The following RAB3GAP1 variants were observed in gnomAD, a reference collection of about 807,000 sequenced individuals.
RAB3GAP1 encodes RAB3 GTPase activating protein catalytic subunit 1.
In RAB3GAP1, 86 loss-of-function variants were observed where a neutral mutation model predicts 130.7. The ratio of observed to expected loss-of-function variants is 0.66; its 90% CI spans 0.55 to 0.79. The LOEUF is 0.79. Ranked by LOEUF, RAB3GAP1 falls within the 30% of genes least tolerant of loss-of-function variation. RAB3GAP1 has a pLI of 0.00. For missense variants in RAB3GAP1, 1,029 were observed against 1,169.4 expected (o/e 0.88, Z 1.75); for synonymous variants, 367 against 401.7 (o/e 0.91, Z 1.03).
rs375809703 is a variant in RAB3GAP1, at chr2:135,132,927, A to C, written c.1269A>C (p.Pro423=). ...TCCCTGATGCTGTTTCTGAGAAACC[A>C]TTAGATGGAACTACTTCAACAGATA... ...FLFPDAVSEK[P]LDGTTSTDNN... Residue 423 remains proline, a synonymous_variant, in exon 14 of 24, where the codon CCA becomes CCC. Transcript: ENST00000264158. The C allele has an allele frequency of 3.8e-6, 6 of 1,583,188 alleles. No individual in the cohort carries two copies. The highest frequency in any genetic ancestry group is 5.2e-6 in the Non-Finnish European group (6 of 1,152,368).
chr2:135,131,061 G>A (rs1291020760), intron 13 of RAB3GAP1, among the ~76,000 whole-genome samples: 1 of 152,168 alleles, frequency 6.6e-6, no homozygotes, highest in Non-Finnish European at 1.5e-5. Flanking sequence ...AATAGCAGAG[G>A]TTCGAGAGCA....
chr2:135,159,573 CA>C (rs1265743935), intron 19 of RAB3GAP1, among the ~76,000 whole-genome samples: 1 of 152,192 alleles, frequency 6.6e-6, no homozygotes, highest in Non-Finnish European at 1.5e-5. Flanking sequence ...TGAGAAATGT[CA>C]CAGCCAAGGG....
At chr2:135,074,029 G>A (rs922693848) in intron 3 of RAB3GAP1, among the ~76,000 whole-genome samples, 1 of 152,180 alleles carries the variant, frequency 6.6e-6, no homozygotes, top group African/African-American at 2.4e-5. Flanking sequence ...CCTGGCACTA[G>A]GGCCTTACAC....
rs1691944618 is a variant in RAB3GAP1 at position 135,144,625 on chromosome 2, G to T, written c.1924-5744G>T. 1.3e-5 allele frequency among the ~76,000 whole-genome samples: 2 copies of T among 152,240 alleles called. 1 individual carries two copies. Among genetic ancestry groups the T allele is most frequent in the South Asian group, 4.1e-4 (2 of 4,832 alleles). On this transcript the variant is annotated intron_variant, in intron 17 of 23. Transcript: ENST00000264158. ...TTCAACTATCTTTGTTTGAAGGTCAGATTTCACTGAGGACCTGCCTCTTAC... is the reference window on the plus strand; with the variant it reads ...TTCAACTATCTTTGTTTGAAGGTCATATTTCACTGAGGACCTGCCTCTTAC...
At chr2:135,093,033 A>G (rs796591019) in intron 4 of RAB3GAP1, among the ~76,000 whole-genome samples, 13 of 152,358 alleles carry the variant, frequency 8.5e-5, no homozygotes, top group African/African-American at 3.1e-4. Flanking sequence ...CTGCTAAGCA[A>G]TGATAGCTAT....
chr2:135,141,037 C>CAT (rs1420701836), intron 17 of RAB3GAP1, among the ~76,000 whole-genome samples: 1 of 151,802 alleles, frequency 6.6e-6, no homozygotes. Context: ...TTTCCTGAAG[C>CAT]ATATATATAT....
chr2:135,135,608 GA>G lies in RAB3GAP1; in HGVS notation c.1604del (p.Lys535ArgfsTer27). The G allele has an allele frequency of 6.2e-7, 1 of 1,609,280 alleles. No individual in the cohort carries two copies. Among genetic ancestry groups the G allele is most frequent in the Non-Finnish European group, 8.5e-7 (1 of 1,177,938 alleles). On this transcript the variant is annotated frameshift_variant, in exon 17 of 24. Coordinates refer to ENST00000264158, the MANE Select transcript of RAB3GAP1 (RefSeq NM_012233.3). LOFTEE classifies it high-confidence loss of function. ...IERKKARDEG[K>X]KTSASDVTNI... is the part of the protein sequence containing the mutation. Reference sequence around the variant, plus strand: ...AAAGAAAGAAGGCACGTGATGAGGGGAAAAAGACAAGTGCTTCAGATGTCAC... The same window carrying G: ...AAAGAAAGAAGGCACGTGATGAGGGGAAAAGACAAGTGCTTCAGATGTCAC...
chr2:135,101,501 A>G (rs1690448267), intron 5 of RAB3GAP1, among the ~76,000 whole-genome samples: 1 of 152,210 alleles, frequency 6.6e-6, no homozygotes, highest in African/African-American at 2.4e-5. Flanking sequence ...TTCAAATCAA[A>G]TTCTAGAAAA....
chr2:135,168,792 A>G lies in RAB3GAP1; in HGVS notation c.*11A>G. On this transcript the variant is annotated 3_prime_UTR_variant, in exon 24 of 24. Transcript: ENST00000264158. The stretch of plus-strand genomic sequence containing the variant: ...ACTTCCTTCTTCTGATTCTTCTAGC[A>G]TTACTCGTTGGTGGCTTCAGAGACA... The G allele has an allele frequency of 6.2e-7, 1 of 1,607,338 alleles. No homozygotes were observed. The highest frequency in any genetic ancestry group is 8.5e-7 in the Non-Finnish European group (1 of 1,173,884).
At chr2:135,086,298 C>CT (rs1207209329) in intron 3 of RAB3GAP1, among the ~76,000 whole-genome samples, 1 of 152,068 alleles carries the variant, frequency 6.6e-6, no homozygotes, top group Non-Finnish European at 1.5e-5. Context: ...CTGGCAAATT[C>CT]TTTTCTAAAG....
chr2:135,153,152 AAAG>A (rs1692220993), intron 18 of RAB3GAP1, among the ~76,000 whole-genome samples: 1 of 152,120 alleles, frequency 6.6e-6, no homozygotes, highest in Admixed American at 6.5e-5. Flanking sequence ...TTATTGAGGA[AAAG>A]AAGAACAGAA....
chr2:135,052,464 C>G lies in RAB3GAP1; in HGVS notation c.53C>G (p.Thr18Ser), dbSNP rs572061837. The change falls in exon 2 of 24, where the codon ACC (threonine) becomes AGC (serine). Residue 18 changes from threonine to serine, a missense_variant. Thr to Ser is a moderately conservative substitution (Grantham distance 58). This residue lies in a region of RAB3GAP1 where 510 missense variants were observed against 532.1 expected (regional missense o/e 0.96). Transcript: ENST00000264158. ...GAGGTATTTGAGATCACGGACTTCA[C>G]CACTGCCTCGGAATGGGAAAGGTGA... ...ESEVFEITDF[T>S]TASEWERFIS... 6.2e-7 allele frequency: 1 copy of G among 1,613,990 alleles called. No homozygotes were observed. The highest frequency in any genetic ancestry group is 2.2e-5 in the East Asian group (1 of 44,882).
intron 3 of RAB3GAP1, among the ~76,000 whole-genome samples, chr2:135,065,304 T>G (rs1340412401): frequency 6.6e-6 from 1 of 152,210 alleles, no homozygotes; most frequent in Non-Finnish European, 1.5e-5. Context: ...TGTCTGTCTC[T>G]GAGAACTTTG....
chr2:135,060,514 C>A (rs1689139117), intron 3 of RAB3GAP1, among the ~76,000 whole-genome samples: 1 of 151,840 alleles, frequency 6.6e-6, no homozygotes, highest in Non-Finnish European at 1.5e-5. Flanking sequence ...CCCGCCTCGG[C>A]CTCCCAAAGT....
chr2:135,166,640 A>T (rs1182874966), intron 23 of RAB3GAP1, among the ~76,000 whole-genome samples: 2 of 152,116 alleles, frequency 1.3e-5, no homozygotes, highest in East Asian at 3.8e-4. Flanking sequence ...TGTGTGAGCT[A>T]TCACACCTGG....
chr2:135,163,642 A>G (rs925339951), intron 22 of RAB3GAP1, among the ~76,000 whole-genome samples: 5 of 152,230 alleles, frequency 3.3e-5, no homozygotes, highest in African/African-American at 1.2e-4. Flanking sequence ...ACTCGGCACC[A>G]TTACCAATGG....
At chr2:135,166,870 A>G (rs929305779) in intron 23 of RAB3GAP1, among the ~76,000 whole-genome samples, 25 of 152,198 alleles carry the variant, frequency 1.6e-4, no homozygotes, top group African/African-American at 6.0e-4. Flanking sequence ...TTGTATAGCT[A>G]ACCCCCTTAA....
intron 6 of RAB3GAP1, among the ~76,000 whole-genome samples, chr2:135,113,779 G>T (rs1690889290): frequency 6.7e-6 from 1 of 150,200 alleles, no homozygotes; most frequent in African/African-American, 2.5e-5. Flanking sequence ...TTGCTCTGTT[G>T]CCCAGGCTGG....
rs139572110 is a variant in RAB3GAP1, at chr2:135,128,374, A to G, written c.974-1621A>G. Among the ~76,000 whole-genome samples the G allele has an allele frequency of 8.3e-3, 1,263 of 152,282 alleles. 16 individuals carry two copies. The highest frequency in any genetic ancestry group is 0.028 in the African/African-American group (1,145 of 41,554). Reference sequence around the variant, plus strand: ...TAAAATAGAGATAACACTAGTACTTACTTCATAGGGTTATTGGGAGGATCA... The same window carrying G: ...TAAAATAGAGATAACACTAGTACTTGCTTCATAGGGTTATTGGGAGGATCA... On this transcript the variant is annotated intron_variant, in intron 11 of 23. Coordinates refer to ENST00000264158, the MANE Select transcript of RAB3GAP1 (RefSeq NM_012233.3).
Sources: gnomAD v4.1 joint callset for allele counts (sites outside exome capture counted in the v4.1 genomes callset) on GRCh38, gnomAD v4.1.1 for gene constraint, gnomAD v4.1.1 regional missense constraint, MANE v1.5 for transcripts, NCBI Gene and HGNC (gene_info 2026-07-23, HGNC 2026-07-21) for gene names.